PSD3: variants seen among roughly 807,000 people sequenced by gnomAD.
The protein encoded by PSD3 is PH and SEC7 domain-containing protein 3.
In PSD3, 49 loss-of-function variants were observed where a neutral mutation model predicts 105.5. The ratio of observed to expected loss-of-function variants is 0.46; its 90% CI spans 0.37 to 0.59. PSD3 has a LOEUF of 0.59. Ranked by LOEUF, PSD3 falls within the 20% of genes least tolerant of loss-of-function variation. PSD3 has a pLI of 0.00. For missense variants in PSD3, 1,561 were observed against 1,263.8 expected, an observed-to-expected ratio of 1.24 and a Z score of -3.57; for synonymous variants, 557 against 457.8, an observed-to-expected ratio of 1.22 and a Z score of -2.77.
chr8:19,058,985 A>G (rs563457404), intron 1 of PSD3, among the ~76,000 whole-genome samples: 3 of 152,316 alleles, frequency 2.0e-5, no homozygotes, highest in South Asian at 2.1e-4. Flanking sequence ...CAACCTGAAG[A>G]GATATAGCAT....
chr8:19,082,314 T>C (rs1257371698), intron 1 of PSD3, among the ~76,000 whole-genome samples: 1 of 152,178 alleles, frequency 6.6e-6, no homozygotes, highest in African/African-American at 2.4e-5. Context: ...GGTTCCCTGG[T>C]CCTACCTGGT....
At chr8:18,698,374 CT>C (rs748316123) in intron 9 of PSD3, among the ~76,000 whole-genome samples, 23 of 152,126 alleles carry the variant, frequency 1.5e-4, no homozygotes, top group Non-Finnish European at 2.9e-4. Context: ...CTGCCTTGGC[CT>C]CCCGAAGTGC....
chr8:18,604,909 A>G (rs1250357089), intron 11 of PSD3, among the ~76,000 whole-genome samples: 1 of 152,228 alleles, frequency 6.6e-6, no homozygotes, highest in Non-Finnish European at 1.5e-5. Context: ...ACAAGAACTG[A>G]GGCCTGGGAG....
At chr8:18,967,886 T>C (rs901136060) in intron 1 of PSD3, among the ~76,000 whole-genome samples, 3 of 152,168 alleles carry the variant, frequency 2.0e-5, no homozygotes, top group African/African-American at 4.8e-5. Flanking sequence ...AGAATTAGAA[T>C]TGGGTATCGA....
At chr8:18,580,221 A>G (rs1165996868) in intron 12 of PSD3, among the ~76,000 whole-genome samples, 3 of 152,232 alleles carry the variant, frequency 2.0e-5, no homozygotes, top group African/African-American at 7.2e-5. Flanking sequence ...AGCTCACAAG[A>G]AAGCAGGATG....
At chr8:18,727,850 C>G (rs183036788) in intron 9 of PSD3, among the ~76,000 whole-genome samples, 1 of 152,004 alleles carries the variant, frequency 6.6e-6, no homozygotes, top group Admixed American at 6.6e-5. Context: ...GTAACATATC[C>G]CACCCATCGA....
At chr8:18,705,817 A>G (rs1406782848) in intron 9 of PSD3, among the ~76,000 whole-genome samples, 1 of 152,186 alleles carries the variant, frequency 6.6e-6, no homozygotes, top group Admixed American at 6.5e-5. Context: ...CGTGATCAAG[A>G]AAGTGGAATG....
Position 18,829,898 on chromosome 8 carries a change from A to C in PSD3, c.1635-25000T>G, listed in dbSNP as rs561799474. On this transcript the variant is annotated intron_variant, in intron 4 of 15. Transcript: ENST00000327040. ...TAGTAAAAAATAATAAATAAAAATA[A>C]AAAATAATAATCACAACCATACCTT... Among the ~76,000 whole-genome samples, 33 of 152,336 alleles carry C rather than the reference A, an allele frequency of 2.2e-4. 1 individual carries two copies. Among genetic ancestry groups the C allele is most frequent in the Admixed American group, 7.8e-4 (12 of 15,304 alleles).
chr8:18,567,816 G>A (rs749187373), intron 14 of PSD3, among the ~76,000 whole-genome samples: 17 of 152,138 alleles, frequency 1.1e-4, no homozygotes, highest in Non-Finnish European at 1.9e-4. Flanking sequence ...GTTATCCAAT[G>A]ATATAGTTTG....
At chr8:18,957,705 G>A (rs1024480936) in intron 1 of PSD3, among the ~76,000 whole-genome samples, 6 of 152,170 alleles carry the variant, frequency 3.9e-5, no homozygotes, top group Non-Finnish European at 5.9e-5. Context: ...CTCAGATCCT[G>A]CTCATCTAGA....
chr8:19,002,136 G>A (rs1217307805), intron 1 of PSD3, among the ~76,000 whole-genome samples: 1 of 152,032 alleles, frequency 6.6e-6, no homozygotes, highest in African/African-American at 2.4e-5. Flanking sequence ...AAGGCAAAAT[G>A]AAACTGTTCC....
intron 4 of PSD3, among the ~76,000 whole-genome samples, chr8:18,825,624 C>A (rs1328474918): frequency 6.6e-6 from 1 of 152,220 alleles, no homozygotes; most frequent in South Asian, 2.1e-4. Flanking sequence ...CCAGTCCCAG[C>A]TCAAAGGAGA....
At chr8:18,712,147 T>G (rs762743568) in intron 9 of PSD3, among the ~76,000 whole-genome samples, 1 of 152,044 alleles carries the variant, frequency 6.6e-6, no homozygotes, top group Non-Finnish European at 1.5e-5. Flanking sequence ...ACATTTACAG[T>G]ACTAAATGCC....
rs577524176 is a variant in PSD3, at chr8:18,935,662, T to G, written c.130+372A>C. ...AGTAAGCTAGGATGATGCCACTGCA[T>G]GCCAGCTTGGATGACAGAGCAAGAC... On this transcript the variant is annotated intron_variant, in intron 2 of 15. Coordinates refer to ENST00000327040, the MANE Select transcript of PSD3 (RefSeq NM_015310.4). Among the ~76,000 whole-genome samples, 34 of 149,590 alleles carry G rather than the reference T, an allele frequency of 2.3e-4. 1 individual carries two copies. In the South Asian group the frequency reaches 7.2e-3, roughly 32 times the overall value.
At chr8:18,824,384 C>A (rs147261497) in intron 4 of PSD3, among the ~76,000 whole-genome samples, 1 of 152,232 alleles carries the variant, frequency 6.6e-6, no homozygotes, top group East Asian at 1.9e-4. Context: ...AGGCTCAAGC[C>A]GACCAAAGTT....
At chr8:18,969,729 T>C (rs17384646) in intron 1 of PSD3, among the ~76,000 whole-genome samples, 17,700 of 152,228 alleles carry the variant, frequency 0.12, 1,304 homozygotes, top group Non-Finnish European at 0.17. Flanking sequence ...CCTGTAAACA[T>C]ACCTGTAAGT....
intron 1 of PSD3, among the ~76,000 whole-genome samples, chr8:18,941,325 T>C (rs1432539106): frequency 6.6e-6 from 1 of 152,198 alleles, no homozygotes; most frequent in Admixed American, 6.5e-5. Context: ...AGCTTCCCTA[T>C]TGATAAAAAG....
chr8:18,668,453 A>G (rs193171754), intron 9 of PSD3, among the ~76,000 whole-genome samples: 13 of 152,330 alleles, frequency 8.5e-5, no homozygotes, highest in Admixed American at 7.8e-4. Context: ...TGATACTGCT[A>G]AGAGCCTGAC....
chr8:18,926,925 AG>A (rs1172931926), intron 2 of PSD3, among the ~76,000 whole-genome samples: 1 of 152,068 alleles, frequency 6.6e-6, no homozygotes, highest in Non-Finnish European at 1.5e-5. Context: ...GCCAGTTTCA[AG>A]CCCCAGGTTG....
Sources: gnomAD v4.1 joint callset for allele counts (sites outside exome capture counted in the v4.1 genomes callset) on GRCh38, gnomAD v4.1.1 for gene constraint, MANE v1.5 for transcripts, NCBI Gene and HGNC (gene_info 2026-07-23, HGNC 2026-07-21) for gene names.